TESK2: variants seen among roughly 807,000 people sequenced by gnomAD.
The protein encoded by TESK2 is dual specificity testis-specific protein kinase 2.
In TESK2, 39 loss-of-function variants were observed where a neutral mutation model predicts 57.1. The observed-to-expected ratio is 0.68, with a 90% CI of 0.53 to 0.89. TESK2 has a LOEUF of 0.89. Among genes scored for constraint, TESK2 ranks in the 40% least tolerant of loss-of-function variants. The probability of loss-of-function intolerance (pLI) is 0.00; values close to 1 mark genes in which losing one functional copy is unlikely to be tolerated. For missense variants in TESK2, 646 were observed against 732.1 expected, an observed-to-expected ratio of 0.88 and a Z score of 1.36; for synonymous variants, 249 against 267.9, an observed-to-expected ratio of 0.93 and a Z score of 0.69.
intron 3 of TESK2, among the ~76,000 whole-genome samples, chr1:45,393,800 T>C (rs1208512398): frequency 2.0e-5 from 3 of 148,670 alleles, no homozygotes; most frequent in Non-Finnish European, 4.5e-5. Flanking sequence ...AAAAAAACAA[T>C]ATACTATAAA....
chr1:45,399,140 AT>A (rs753087306), intron 3 of TESK2, among the ~76,000 whole-genome samples: 3,699 of 99,622 alleles, frequency 0.037, 52 homozygotes, highest in African/African-American at 0.13. Context: ...AAAAGTTGAA[AT>A]TTTTTTTTTT....
Position 45,384,377 on chromosome 1 carries a change from A to G in TESK2, c.393+1535T>C, listed in dbSNP as rs76237252. Among the ~76,000 whole-genome samples the G allele has an allele frequency of 9.6e-4, 133 of 139,008 alleles. No homozygotes were observed. The Middle Eastern group carries it at 0.011, about 11-fold the overall frequency. The allele number at this position is 139,008 out of a possible 152,430, so 91.2% of individuals were successfully genotyped here. On this transcript the variant is annotated intron_variant, in intron 4 of 10. Transcript: ENST00000372086. The stretch of plus-strand genomic sequence containing the variant: ...TATGTACGTACGTATCTATCTATCT[A>G]TCTATCTATCTGTCTATCTATCTAT...
rs1394653291 is a variant in TESK2, at chr1:45,343,974, T to C, written c.*866A>G. ...TCAACAGAAGCAAGTTATGAAAATA[T>C]TTGACCAGCTTCATCTTTGGTTATT... On this transcript the variant is annotated 3_prime_UTR_variant, in exon 11 of 11. Transcript: ENST00000372086. The surrounding 1 kb of genome is among the most constrained non-coding windows in gnomAD (Gnocchi z 4.3). 7.7e-6 allele frequency: 3 copies of C among 388,806 alleles called. No individual in the cohort carries two copies. Among genetic ancestry groups the C allele is most frequent in the Non-Finnish European group, 1.4e-5 (3 of 212,366 alleles). 24.1% of individuals were successfully genotyped at this position (388,806 alleles called of 1,614,324 possible). A position where few individuals can be genotyped will look rare whatever the true frequency, so the allele number is the denominator to read the frequency against.
chr1:45,353,417 G>A (rs1033410505), intron 5 of TESK2, among the ~76,000 whole-genome samples: 1 of 152,150 alleles, frequency 6.6e-6, no homozygotes, highest in African/African-American at 2.4e-5. Context: ...GACTACAAAT[G>A]ACTCTGCCAC....
intron 1 of TESK2, among the ~76,000 whole-genome samples, chr1:45,463,615 A>T (rs1430730093): frequency 6.6e-6 from 1 of 151,788 alleles, no homozygotes; most frequent in Non-Finnish European, 1.5e-5. Context: ...ACAGGGTCTC[A>T]CTCTGTTGCC....
chr1:45,415,413 A>C, intron 3 of TESK2: 1 of 731,584 alleles, frequency 1.4e-6, no homozygotes, highest in South Asian at 1.6e-5. Context: ...GCACTCCTCC[A>C]CCCCATTTGC....
At chr1:45,375,922 A>T (rs1045850327) in intron 4 of TESK2, among the ~76,000 whole-genome samples, 2 of 152,222 alleles carry the variant, frequency 1.3e-5, no homozygotes, top group African/African-American at 4.8e-5. Context: ...TTTTAAGGAT[A>T]AAGTAAACTA....
intron 4 of TESK2, among the ~76,000 whole-genome samples, chr1:45,376,320 A>C (rs1648424411): frequency 6.7e-6 from 1 of 148,336 alleles, no homozygotes; most frequent in East Asian, 2.0e-4. Flanking sequence ...GGATGAAGCA[A>C]TTCTCCTGCC....
intron 5 of TESK2, among the ~76,000 whole-genome samples, chr1:45,353,211 G>C (rs1168554545): frequency 6.6e-6 from 1 of 152,044 alleles, no homozygotes; most frequent in African/African-American, 2.4e-5. Context: ...ACTTTTCTTA[G>C]TCTTGGTTTT....
chr1:45,454,747 A>C (rs1413954141), intron 2 of TESK2, among the ~76,000 whole-genome samples: 2 of 152,180 alleles, frequency 1.3e-5, no homozygotes, highest in Non-Finnish European at 2.9e-5. Context: ...ACAATAGCCA[A>C]AAGGTGGAAA....
chr1:45,362,028 G>A (rs916298592), intron 4 of TESK2, among the ~76,000 whole-genome samples: 2 of 152,176 alleles, frequency 1.3e-5, no homozygotes, highest in African/African-American at 4.8e-5. Context: ...GAGAATGTGT[G>A]TACAAGTGTC....
intron 1 of TESK2, among the ~76,000 whole-genome samples, chr1:45,465,498 AAGAG>A (rs1652514319): frequency 6.6e-6 from 1 of 151,780 alleles, no homozygotes; most frequent in Admixed American, 6.6e-5. Flanking sequence ...AGGAAGAAGA[AAGAG>A]AGAGACAAAG....
intron 5 of TESK2, 65 bp from the exon 6 acceptor site, chr1:45,348,065 C>A: frequency 9.3e-7 from 1 of 1,073,650 alleles, no homozygotes; most frequent in Admixed American, 1.7e-5. Flanking sequence ...CATAGAGTTA[C>A]CACCCATTCC....
At position 45,344,805 on chromosome 1, in the gene TESK2, G is replaced by T; in HGVS notation, c.*35C>A. ...GGGGGCCATATGGTTTCAGCTGAAG[G>T]TCCATCCCCAAGGTGAGGCAGGGAC... On this transcript the variant is annotated 3_prime_UTR_variant, in exon 11 of 11. Coordinates refer to ENST00000372086, the MANE Select transcript of TESK2 (RefSeq NM_007170.3). 1 of 1,564,494 alleles carries T rather than the reference G, an allele frequency of 6.4e-7. No homozygotes were observed. Among genetic ancestry groups the T allele is most frequent in the Non-Finnish European group, 8.7e-7 (1 of 1,146,266 alleles).
At chr1:45,346,558 G>A (rs1387014261) in intron 9 of TESK2, 135 bp downstream of exon 9, 4 of 685,098 alleles carry the variant, frequency 5.8e-6, no homozygotes, top group African/African-American at 3.6e-5. Flanking sequence ...GGAGGAGGAG[G>A]AGGTGTGGTT....
intron 4 of TESK2, among the ~76,000 whole-genome samples, chr1:45,372,246 T>C (rs1648219045): frequency 6.6e-6 from 1 of 150,448 alleles, no homozygotes. Context: ...AGACCCATCT[T>C]ATTTTTGAAA....
At chr1:45,434,486 CT>C (rs1481614712) in intron 2 of TESK2, among the ~76,000 whole-genome samples, 2 of 146,688 alleles carry the variant, frequency 1.4e-5, no homozygotes, top group Non-Finnish European at 3.0e-5. Context: ...GAGATGGGGT[CT>C]TTTTGTCTTT....
intron 9 of TESK2, 152 bp downstream of exon 9, chr1:45,346,541 G>T (rs1647146193): frequency 3.0e-6 from 2 of 658,002 alleles, no homozygotes; most frequent in South Asian, 3.7e-5. Flanking sequence ...TAGGTTAGCT[G>T]CCAGAGGGAG....
intron 2 of TESK2, among the ~76,000 whole-genome samples, chr1:45,444,632 G>C (rs1433494197): frequency 6.6e-6 from 1 of 152,208 alleles, no homozygotes; most frequent in Non-Finnish European, 1.5e-5. Flanking sequence ...AGAGGCAAAA[G>C]TTAGTTCACC....
Sources: allele counts gnomAD v4.1 joint callset (sites outside exome capture counted in the v4.1 genomes callset), GRCh38; gene constraint gnomAD v4.1.1; non-coding constraint Gnocchi (gnomAD v3.1); transcripts MANE v1.5; gene names NCBI Gene and HGNC (gene_info 2026-07-23, HGNC 2026-07-21).